The following PZP variants were observed in gnomAD, a reference collection of about 807,000 sequenced individuals.
The protein encoded by PZP is pregnancy zone protein.
In PZP, 150 loss-of-function variants were observed where a neutral mutation model predicts 179.8. The ratio of observed to expected loss-of-function variants is 0.83; its 90% CI spans 0.73 to 0.96. PZP has a LOEUF of 0.96. PZP is among the 40% of genes least tolerant of loss of function. The pLI is 0.00. For missense variants in PZP, 1,689 were observed against 1,764.0 expected, an observed-to-expected ratio of 0.96 and a Z score of 0.76; for synonymous variants, 624 against 652.3, an observed-to-expected ratio of 0.96 and a Z score of 0.66.
intron 25 of PZP, 68 bp from the exon 26 acceptor site, chr12:9,158,644 C>A: frequency 6.7e-7 from 1 of 1,487,412 alleles, no homozygotes; most frequent in Admixed American, 2.0e-5. Context: ...GTTTTGTACA[C>A]ACAGGCTCCC....
At chr12:9,179,402 T>A (rs775904893) in intron 15 of PZP, among the ~76,000 whole-genome samples, 3 of 152,250 alleles carry the variant, frequency 2.0e-5, no homozygotes, top group Admixed American at 2.0e-4. Context: ...CTTGAAATAA[T>A]AATAATAAAA....
intron 1 of PZP, among the ~76,000 whole-genome samples, chr12:9,206,168 A>T (rs962607181): frequency 1.3e-5 from 2 of 152,122 alleles, no homozygotes; most frequent in Admixed American, 6.5e-5. Flanking sequence ...TTAACAGCAT[A>T]ATAAATAATA....
chr12:9,169,379 A>C (rs753890303), intron 16 of PZP, 51 bp downstream of exon 16: 23 of 1,460,212 alleles, frequency 1.6e-5, no homozygotes, highest in Non-Finnish European at 2.0e-5. Flanking sequence ...GAGTTTTATT[A>C]ACATTCAAAA....
At chr12:9,176,938 G>A (rs1418389668) in intron 15 of PZP, among the ~76,000 whole-genome samples, 2 of 152,166 alleles carry the variant, frequency 1.3e-5, no homozygotes, top group African/African-American at 2.4e-5. Context: ...TGATTTAAAT[G>A]ATATTTAGCC....
chr12:9,196,758 T>G, intron 8 of PZP, 73 bp from the exon 9 acceptor site: 1 of 1,342,406 alleles, frequency 7.4e-7, no homozygotes, highest in Non-Finnish European at 1.1e-6. Context: ...CTATTCTGTC[T>G]CTAATGACAA....
intron 23 of PZP, 83 bp from the exon 24 acceptor site, chr12:9,160,573 CAG>C (rs10540786): frequency 0.62 from 777,547 of 1,252,876 alleles, 244,901 homozygotes; most frequent in East Asian, 0.9. Context: ...CCTTTATATT[CAG>C]AGTCTATCAT....
At chr12:9,181,858 G>T in intron 14 of PZP, 117 bp downstream of exon 14, 1 of 1,139,146 alleles carries the variant, frequency 8.8e-7, no homozygotes, top group African/African-American at 1.6e-5. Context: ...TAAACTTGTT[G>T]GGAACTGTTG....
chr12:9,192,377 ACT>A, intron 12 of PZP, 121 bp from the exon 13 acceptor site: 1 of 1,283,846 alleles, frequency 7.8e-7, no homozygotes. Context: ...CCTCAAGAAA[ACT>A]CATGGAATGA....
At chr12:9,198,949 C>G (rs1018061282) in intron 7 of PZP, among the ~76,000 whole-genome samples, 1 of 152,098 alleles carries the variant, frequency 6.6e-6, no homozygotes, top group Non-Finnish European at 1.5e-5. Flanking sequence ...CCTGCGTGCT[C>G]CCTCTGGGAC....
chr12:9,206,904 A>G (rs1354250877), intron 1 of PZP, among the ~76,000 whole-genome samples: 1 of 152,190 alleles, frequency 6.6e-6, no homozygotes, highest in Non-Finnish European at 1.5e-5. Flanking sequence ...CGCTTTATCC[A>G]TTCAGTCTGC....
intron 2 of PZP, 41 bp from the exon 3 acceptor site, chr12:9,202,725 G>A (rs376652034): frequency 1.3e-6 from 2 of 1,573,088 alleles, no homozygotes; most frequent in Admixed American, 1.8e-5. Context: ...GAACTGTGCA[G>A]TCTTCTCCCT....
At chr12:9,157,874 G>T (rs755735192) in intron 26 of PZP, 33 bp from the exon 27 acceptor site, 2 of 1,547,244 alleles carry the variant, frequency 1.3e-6, no homozygotes, top group South Asian at 2.3e-5. Context: ...ATTAATTCCA[G>T]TGCCAAGTGT....
chr12:9,188,440 G>A (rs1313995035), intron 13 of PZP, among the ~76,000 whole-genome samples: 1 of 152,164 alleles, frequency 6.6e-6, no homozygotes, highest in Non-Finnish European at 1.5e-5. Flanking sequence ...AAAGCTGGAA[G>A]CATTCTCCTT....
Position 9,203,948 on chromosome 12 carries a change from C to T in PZP, c.87G>A (p.Gln29=), listed in dbSNP as rs1222025171. The change falls in exon 2 of 36, where the codon CAG becomes CAA. Residue 29 remains glutamine (Q), a synonymous_variant. Transcript: ENST00000261336. Reference sequence around the variant, plus strand: ...GCAGGGAGGGGACCAGCACCATATACTGCCTGGGAAAGGAAGAAGTCTAAA... The same window carrying T: ...GCAGGGAGGGGACCAGCACCATATATTGCCTGGGAAAGGAAGAAGTCTAAA... ...SASDSNSTEP[Q]YMVLVPSLLH... is the part of the protein sequence containing the mutation. 3 of 1,608,128 alleles carry T rather than the reference C, an allele frequency of 1.9e-6. No homozygotes were observed. Among genetic ancestry groups the T allele is most frequent in the Non-Finnish European group, 1.7e-6 (2 of 1,177,352 alleles).
chr12:9,148,112 T>C (rs114658076), downstream of PZP, among the ~76,000 whole-genome samples: 1,009 of 152,312 alleles, frequency 6.6e-3, 13 homozygotes, highest in African/African-American at 0.023. Context: ...TTAGAAATTA[T>C]TTTAAGCAGA....
intron 15 of PZP, among the ~76,000 whole-genome samples, chr12:9,176,101 A>G (rs1259472186): frequency 6.6e-6 from 1 of 152,248 alleles, no homozygotes; most frequent in Non-Finnish European, 1.5e-5. Flanking sequence ...AATGTGGTAC[A>G]TATACACAAT....
At chr12:9,174,552 C>T (rs1942231760) in intron 15 of PZP, among the ~76,000 whole-genome samples, 1 of 151,952 alleles carries the variant, frequency 6.6e-6, no homozygotes, top group Admixed American at 6.6e-5. Context: ...GATTTTATAT[C>T]TAGAAAACCC....
At chr12:9,179,994 A>T (rs1394681154) in intron 15 of PZP, among the ~76,000 whole-genome samples, 10 of 152,328 alleles carry the variant, frequency 6.6e-5, no homozygotes, top group Non-Finnish European at 1.5e-4. Flanking sequence ...TAATCTTAAA[A>T]TGGGACTATT....
Position 9,162,622 on chromosome 12 carries a change from A to T in PZP, c.2763T>A (p.Thr921=). The T allele has an allele frequency of 6.3e-7, 1 of 1,597,012 alleles. No individual in the cohort carries two copies. The highest frequency in any genetic ancestry group is 1.1e-5 in the South Asian group (1 of 90,516). ...VEAEGIEQEK[T]FSSMTCASGA... The stretch of plus-strand genomic sequence containing the variant: ...CTGAGGCACAGGTCATAGAACTGAA[A>T]GTCTTTTCTTGCTCAATACCTTCAG... Residue 921 remains threonine (T), a synonymous_variant, in exon 22 of 36, where the codon ACT becomes ACA. Coordinates refer to ENST00000261336, the MANE Select transcript of PZP (RefSeq NM_002864.3).
Sources: gnomAD v4.1 joint callset for allele counts (sites outside exome capture counted in the v4.1 genomes callset) on GRCh38, gnomAD v4.1.1 for gene constraint, MANE v1.5 for transcripts, NCBI Gene and HGNC (gene_info 2026-07-23, HGNC 2026-07-21) for gene names.